GALNT18: variants seen among roughly 807,000 people sequenced by gnomAD.
The protein encoded by GALNT18 is polypeptide N-acetylgalactosaminyltransferase 18.
A neutral mutation model predicts 69.5 loss-of-function variants in GALNT18; 44 were observed. That is an observed-to-expected ratio of 0.63 (90% CI 0.50 to 0.81). The LOEUF is 0.81. Ranked by LOEUF, GALNT18 falls within the 40% of genes least tolerant of loss-of-function variation. The pLI is 0.00. For missense variants in GALNT18, 715 were observed against 810.0 expected (o/e 0.88, Z 1.42); for synonymous variants, 364 against 318.2 (o/e 1.14, Z -1.53).
intron 1 of GALNT18, among the ~76,000 whole-genome samples, chr11:11,501,123 T>A (rs1856964896): frequency 6.6e-6 from 1 of 152,224 alleles, no homozygotes; most frequent in Non-Finnish European, 1.5e-5. Context: ...AGTGTGCCAT[T>A]TTCCCCAGAC....
rs1419754926 is a variant in GALNT18 at position 11,337,063 on chromosome 11, C to A, written c.1278+3756G>T. 3.3e-5 allele frequency among the ~76,000 whole-genome samples: 5 copies of A among 152,262 alleles called. No homozygotes were observed. In the East Asian group the frequency reaches 9.7e-4, roughly 29 times the overall value. ...CTAGCTAAATGGGTGTTACACAAAC[C>A]TGGCCACCCTAAACTCTCATCTGGA... On this transcript the variant is annotated intron_variant, in intron 7 of 10. Coordinates refer to ENST00000227756, the MANE Select transcript of GALNT18 (RefSeq NM_198516.3). The surrounding 1 kb of genome is among the most constrained non-coding windows in gnomAD (Gnocchi z 4.9).
intron 10 of GALNT18, 147 bp downstream of exon 10, chr11:11,292,882 G>A (rs752701973): frequency 8.0e-6 from 5 of 628,598 alleles, no homozygotes; most frequent in Non-Finnish European, 1.2e-5. Flanking sequence ...TCCCTGAGAA[G>A]CAAAGCAGTC....
intron 1 of GALNT18, among the ~76,000 whole-genome samples, chr11:11,599,561 A>C (rs927253337): frequency 5.3e-5 from 8 of 152,034 alleles, no homozygotes; most frequent in African/African-American, 1.9e-4. Context: ...TGACAATCTC[A>C]ACATTCTAAT....
chr11:11,537,859 T>C (rs4317980), intron 1 of GALNT18, among the ~76,000 whole-genome samples: 112,182 of 152,112 alleles, frequency 0.74, 41,778 homozygotes, highest in East Asian at 0.95. Flanking sequence ...AAAAATCTGA[T>C]GGCTCTATTT....
intron 1 of GALNT18, among the ~76,000 whole-genome samples, chr11:11,486,253 T>G (rs1027857499): frequency 1.1e-4 from 16 of 152,196 alleles, no homozygotes; most frequent in Admixed American, 1.3e-4. Context: ...CTGTATTCAT[T>G]TCCTCAAACT....
intron 9 of GALNT18, among the ~76,000 whole-genome samples, chr11:11,295,508 G>C (rs1425062740): frequency 6.6e-6 from 1 of 152,062 alleles, no homozygotes; most frequent in African/African-American, 2.4e-5. Flanking sequence ...AAGTGATGCT[G>C]AATAAACACC....
intron 4 of GALNT18, 88 bp downstream of exon 4, chr11:11,378,993 T>G: frequency 2.4e-6 from 3 of 1,240,868 alleles, no homozygotes; most frequent in Non-Finnish European, 3.3e-6. Flanking sequence ...CCTTAGGCTA[T>G]GACCAAGATC....
intron 9 of GALNT18, among the ~76,000 whole-genome samples, 158 bp downstream of exon 9, chr11:11,326,928 T>C (rs558780183): frequency 7.2e-5 from 11 of 152,284 alleles, no homozygotes; most frequent in African/African-American, 2.4e-4. Flanking sequence ...CTTCAGCTCA[T>C]GAGGATGTGC....
chr11:11,560,927 G>T (rs1858489936), intron 1 of GALNT18, among the ~76,000 whole-genome samples: 1 of 152,160 alleles, frequency 6.6e-6, no homozygotes, highest in African/African-American at 2.4e-5. Context: ...CTACTGCTTG[G>T]CTGCCCCAGG....
At chr11:11,544,330 T>C (rs2133960199) in intron 1 of GALNT18, among the ~76,000 whole-genome samples, 1 of 152,332 alleles carries the variant, frequency 6.6e-6, no homozygotes, top group South Asian at 2.1e-4. Context: ...ATCCCTATTA[T>C]TAATAATGAA....
At chr11:11,330,236 C>T (rs924968517) in intron 8 of GALNT18, among the ~76,000 whole-genome samples, 1 of 152,036 alleles carries the variant, frequency 6.6e-6, no homozygotes, top group Non-Finnish European at 1.5e-5. Context: ...AGTCATTTGT[C>T]CTGAACAATG....
intron 5 of GALNT18, among the ~76,000 whole-genome samples, chr11:11,374,514 AG>A (rs34142825): frequency 1.3e-5 from 2 of 152,218 alleles, no homozygotes; most frequent in African/African-American, 4.8e-5. Context: ...AGTGTTGGAC[AG>A]GGCAGGGCAC....
intron 1 of GALNT18, among the ~76,000 whole-genome samples, chr11:11,473,512 G>A (rs1856318979): frequency 1.3e-5 from 2 of 152,050 alleles, no homozygotes; most frequent in South Asian, 4.2e-4. Context: ...GAGGATTCCA[G>A]AAGGCTCGTT....
intron 10 of GALNT18, among the ~76,000 whole-genome samples, chr11:11,281,041 T>C (rs1038068817): frequency 4.6e-5 from 7 of 152,164 alleles, no homozygotes; most frequent in African/African-American, 1.7e-4. Flanking sequence ...TGATGCTTCT[T>C]GAACAGATCT....
intron 1 of GALNT18, among the ~76,000 whole-genome samples, chr11:11,502,350 G>A (rs897238082): frequency 1.3e-5 from 2 of 152,218 alleles, no homozygotes; most frequent in African/African-American, 2.4e-5. Context: ...TGCCTAGGCT[G>A]AGCAGGCAGG....
chr11:11,345,882 A>G (rs1850293486), intron 6 of GALNT18, among the ~76,000 whole-genome samples: 1 of 152,106 alleles, frequency 6.6e-6, no homozygotes, highest in Admixed American at 6.6e-5. Flanking sequence ...TACACATACG[A>G]TGGTGAGGGC....
intron 1 of GALNT18, among the ~76,000 whole-genome samples, chr11:11,484,524 C>T (rs1015283773): frequency 2.2e-5 from 3 of 135,950 alleles, no homozygotes; most frequent in Non-Finnish European, 4.6e-5. Context: ...ACCCAGGAGG[C>T]GGAGGTTGTG....
In GALNT18 at chr11:11,389,892, A is replaced by G. The variant is rs552245659; in HGVS notation, c.596-10628T>C. Among the ~76,000 whole-genome samples the G allele has an allele frequency of 1.3e-5, 2 of 152,282 alleles. No homozygotes were observed. Among genetic ancestry groups the G allele is most frequent in the South Asian group, 2.1e-4 (1 of 4,820 alleles). On this transcript the variant is annotated intron_variant, in intron 3 of 10. Transcript: ENST00000227756. The surrounding 1 kb of genome is among the most constrained non-coding windows in gnomAD (Gnocchi z 4.3). ...CCCTTAGCAGTTAAGCCAGAGGCCA[A>G]CTTGAATTTTGGTGCTGGCTTCTCC...
intron 6 of GALNT18, among the ~76,000 whole-genome samples, chr11:11,365,178 G>A (rs1201046645): frequency 6.6e-6 from 1 of 152,010 alleles, no homozygotes; most frequent in East Asian, 1.9e-4. Flanking sequence ...CTTCATGTGT[G>A]TTGTTCCCTT....
Sources: gnomAD v4.1 joint callset for allele counts (sites outside exome capture counted in the v4.1 genomes callset) on GRCh38, gnomAD v4.1.1 for gene constraint, Gnocchi (gnomAD v3.1) non-coding constraint, MANE v1.5 for transcripts, NCBI Gene and HGNC (gene_info 2026-07-23, HGNC 2026-07-21) for gene names.